Variants in PRH1 observed in about 807,000 individuals in gnomAD.
PRH1 encodes the protein proline rich protein HaeIII subfamily 1.
A neutral mutation model predicts 7.9 loss-of-function variants in PRH1; 7 were observed. That is an observed-to-expected ratio of 0.89 (90% CI 0.50 to 1.67). The LOEUF (loss-of-function observed/expected upper bound fraction) is 1.67, where lower values mean the gene tolerates loss of function less well. Ranked by LOEUF, PRH1 falls within the 40% of genes most tolerant of loss-of-function variation. The probability of loss-of-function intolerance (pLI) is 0.00; values close to 1 mark genes in which losing one functional copy is unlikely to be tolerated. For missense variants in PRH1, 109 were observed against 223.6 expected (o/e 0.49, Z 3.27); for synonymous variants, 45 against 80.8 (o/e 0.56, Z 2.38).
At chr12:11,111,326 C>T (rs1441292331) in intron 1 of PRH1, among the ~76,000 whole-genome samples, 2 of 152,168 alleles carry the variant, frequency 1.3e-5, no homozygotes, top group African/African-American at 4.8e-5. Context: ...CAGAACTCTC[C>T]ACCTCAAATC....
chr12:10,952,229 C>A (rs2135915846), intron 2 of PRH1, among the ~76,000 whole-genome samples: 1 of 152,252 alleles, frequency 6.6e-6, no homozygotes, highest in East Asian at 1.9e-4. Flanking sequence ...TTCAAGAAAG[C>A]AAGATGTCCT....
intron 2 of PRH1, among the ~76,000 whole-genome samples, chr12:10,960,340 T>A (rs997351491): frequency 6.6e-6 from 1 of 152,226 alleles, no homozygotes; most frequent in African/African-American, 2.4e-5. Context: ...GTACATTTTA[T>A]ATCCCTATTC....
intron 1 of PRH1, among the ~76,000 whole-genome samples, chr12:11,126,539 C>G (rs2600366): frequency 0.47 from 69,163 of 146,316 alleles, 16,531 homozygotes; most frequent in Non-Finnish European, 0.54. Flanking sequence ...GGACATTTGA[C>G]AGACTTGTCA....
At chr12:10,904,679 G>A (rs1254152908) in intron 2 of PRH1, among the ~76,000 whole-genome samples, 1 of 152,014 alleles carries the variant, frequency 6.6e-6, no homozygotes, top group Non-Finnish European at 1.5e-5. Context: ...ATTGACAAGT[G>A]GGACCTAATT....
intron 1 of PRH1, among the ~76,000 whole-genome samples, chr12:11,045,198 A>G (rs1322833957): frequency 6.8e-6 from 1 of 146,384 alleles, no homozygotes; most frequent in Admixed American, 6.8e-5. Context: ...AGTTGAATAC[A>G]TCAGAAACAA....
At chr12:11,059,192 G>A (rs1265831335) in intron 1 of PRH1, among the ~76,000 whole-genome samples, 1 of 152,114 alleles carries the variant, frequency 6.6e-6, no homozygotes, top group Non-Finnish European at 1.5e-5. Context: ...GACTAATGCC[G>A]GCTGTGGTTT....
At chr12:10,956,160 T>A (rs1369050016) in intron 2 of PRH1, among the ~76,000 whole-genome samples, 1 of 151,270 alleles carries the variant, frequency 6.6e-6, no homozygotes, top group Non-Finnish European at 1.5e-5. Flanking sequence ...AACATAGATT[T>A]AAAAAAAACA....
At chr12:10,883,606 G>A (rs548752928) in intron 1 of PRH1, among the ~76,000 whole-genome samples, 1 of 152,240 alleles carries the variant, frequency 6.6e-6, no homozygotes, top group East Asian at 1.9e-4. Flanking sequence ...TAGCCACTTG[G>A]ATATAATCTT....
At chr12:11,028,511 G>T (rs78976533) in intron 1 of PRH1, among the ~76,000 whole-genome samples, 1 of 151,328 alleles carries the variant, frequency 6.6e-6, no homozygotes, top group East Asian at 1.9e-4. Context: ...TCTTGAACTT[G>T]ACTTCTAAAT....
At chr12:10,986,992 C>T (rs1939675916) in intron 1 of PRH1, 1 of 573,006 alleles carries the variant, frequency 1.7e-6, no homozygotes, top group Non-Finnish European at 2.8e-6. Flanking sequence ...CTTTTAAACA[C>T]TGTGACCAGT....
chr12:10,892,102 C>G (rs1219495062), intron 2 of PRH1, among the ~76,000 whole-genome samples: 2 of 152,170 alleles, frequency 1.3e-5, no homozygotes, highest in African/African-American at 4.8e-5. Flanking sequence ...TTGCAGGGCC[C>G]TAAAACCAAG....
intron 1 of PRH1, among the ~76,000 whole-genome samples, chr12:11,012,105 T>TA (rs973757707): frequency 6.6e-6 from 1 of 152,162 alleles, no homozygotes; most frequent in Non-Finnish European, 1.5e-5. Flanking sequence ...CTTGGGCACT[T>TA]AAAAAACATG....
intron 1 of PRH1, among the ~76,000 whole-genome samples, chr12:10,980,655 G>A (rs1055027694): frequency 1.3e-5 from 2 of 152,086 alleles, no homozygotes; most frequent in African/African-American, 4.8e-5. Flanking sequence ...GAGACTCCAT[G>A]AGATCACCAA....
intron 1 of PRH1, among the ~76,000 whole-genome samples, chr12:10,973,886 T>C (rs1308351782): frequency 6.6e-6 from 1 of 152,212 alleles, no homozygotes; most frequent in Non-Finnish European, 1.5e-5. Context: ...TGGCGGGCTT[T>C]TTTGGTAGAC....
intron 1 of PRH1, among the ~76,000 whole-genome samples, chr12:11,052,343 C>T (rs565554039): frequency 6.6e-6 from 1 of 152,328 alleles, no homozygotes; most frequent in South Asian, 2.1e-4. Flanking sequence ...AGACATGATT[C>T]CTTTGAATTC....
downstream of PRH1, among the ~76,000 whole-genome samples, chr12:11,119,498 T>C (rs1945831523): frequency 6.6e-6 from 1 of 152,132 alleles, no homozygotes; most frequent in Non-Finnish European, 1.5e-5. Flanking sequence ...TGATTATTAC[T>C]CTTTGCATGC....
rs559197909 is a variant in PRH1 at position 11,034,626 on chromosome 12, C to A, written c.-126+12394G>T. 8.7e-5 allele frequency among the ~76,000 whole-genome samples: 13 copies of A among 149,320 alleles called. No individual in the cohort carries two copies. In the South Asian group the frequency reaches 1.1e-3, roughly 13 times the overall value. On this transcript the variant is annotated intron_variant, in intron 1 of 3. Coordinates refer to the PRH1 transcript ENST00000539853. Reference sequence around the variant, plus strand: ...TCAACTTAATATTTTCAATAAGACCCTTTATTGGCCAGGCAGGGTAGCTCA... The same window carrying A: ...TCAACTTAATATTTTCAATAAGACCATTTATTGGCCAGGCAGGGTAGCTCA...
rs1431801836 is a variant in PRH1, at chr12:11,039,773, A to T, written c.-126+7247T>A. Among the ~76,000 whole-genome samples the T allele has an allele frequency of 6.6e-5, 10 of 152,356 alleles. No homozygotes were observed. In the East Asian group the frequency reaches 9.6e-4, roughly 15 times the overall value. ...TCCTTAAATCCTGGTGGCTACTAATACTTTTGTATAACTTATTGTTTACAA... is the reference window on the plus strand; with the variant it reads ...TCCTTAAATCCTGGTGGCTACTAATTCTTTTGTATAACTTATTGTTTACAA... On this transcript the variant is annotated intron_variant, in intron 1 of 3. Transcript: ENST00000539853.
At position 11,099,169 on chromosome 12, in the gene PRH1, T is replaced by C. The variant is rs531425449; in HGVS notation, n.124-51981A>G. On this transcript the variant is annotated intron_variant and non_coding_transcript_variant, in intron 1 of 4. Transcript: ENST00000541977. ...CCTTTCCCCTGAACTTGGAGTTCAA[T>C]CATTTAACTTACTTTGATAAACAGA... is the stretch of plus-strand genomic sequence containing the variant. 1.5e-4 allele frequency among the ~76,000 whole-genome samples: 23 copies of C among 152,320 alleles called. 3 individuals carry two copies. In the South Asian group the frequency reaches 3.9e-3, roughly 26 times the overall value.
Sources: allele counts gnomAD v4.1 joint callset (sites outside exome capture counted in the v4.1 genomes callset), GRCh38; gene constraint gnomAD v4.1.1; transcripts MANE v1.5; gene names NCBI Gene and HGNC (gene_info 2026-07-23, HGNC 2026-07-21).